Variants in TRPM8 observed in about 807,000 individuals in gnomAD.
TRPM8 encodes the protein transient receptor potential cation channel subfamily M member 8.
TRPM8 carries 110 observed loss-of-function variants against 133.7 expected under a neutral mutation model. The observed-to-expected ratio is 0.82, with a 90% CI of 0.70 to 0.96. TRPM8 has a LOEUF of 0.96. TRPM8 is among the 40% of genes least tolerant of loss of function. TRPM8 has a pLI of 0.00. For missense variants in TRPM8, 1,291 were observed against 1,379.5 expected, an observed-to-expected ratio of 0.94 and a Z score of 1.02; for synonymous variants, 535 against 532.3, an observed-to-expected ratio of 1.01 and a Z score of -0.07.
chr2:234,000,694 T>C (rs1041147151), intron 22 of TRPM8, among the ~76,000 whole-genome samples: 2 of 138,740 alleles, frequency 1.4e-5, no homozygotes, highest in Non-Finnish European at 3.1e-5. Context: ...TTTTTTTTTT[T>C]CGGAAATGGT....
intron 22 of TRPM8, among the ~76,000 whole-genome samples, chr2:233,999,695 G>A (rs557234295): frequency 2.6e-4 from 39 of 152,364 alleles, no homozygotes; most frequent in African/African-American, 9.4e-4. Context: ...CTTGGAGCAA[G>A]GTGCATGGGG....
At chr2:234,012,348 A>G (rs1337495751) in intron 24 of TRPM8, among the ~76,000 whole-genome samples, 1 of 151,938 alleles carries the variant, frequency 6.6e-6, no homozygotes, top group Non-Finnish European at 1.5e-5. Context: ...GGGTTTCACC[A>G]TGTTGAGCAG....
intron 1 of TRPM8, among the ~76,000 whole-genome samples, chr2:233,921,677 C>CTTTTTTTTTTTTTTTTTTTTTTTTTTTTT (rs11373529): frequency 1.1e-4 from 12 of 106,660 alleles, no homozygotes; most frequent in South Asian, 3.1e-4. Context: ...CTTTTCTTTT[C>CTTTTTTTTTTTTTTTTTTTTTTTTTTTTT]TTTTTTTTTT....
chr2:233,982,224 T>A (rs551429721), intron 19 of TRPM8, among the ~76,000 whole-genome samples: 1 of 152,194 alleles, frequency 6.6e-6, no homozygotes, highest in Non-Finnish European at 1.5e-5. Context: ...GGGGAGGGAC[T>A]TTTATGCCAA....
intron 2 of TRPM8, among the ~76,000 whole-genome samples, chr2:233,927,778 CT>C (rs1278196220): frequency 2.4e-4 from 11 of 46,216 alleles, no homozygotes; most frequent in South Asian, 8.5e-4. Context: ...TTCTTTCTTT[CT>C]TTCTTTCTTT....
chr2:233,955,039 T>A, intron 10 of TRPM8, 93 bp from the exon 11 acceptor site: 2 of 863,088 alleles, frequency 2.3e-6, no homozygotes, highest in Non-Finnish European at 3.9e-6. Flanking sequence ...GCATTACCTG[T>A]GATAAACAGC....
At chr2:233,950,799 T>G (rs1691156104) in intron 9 of TRPM8, among the ~76,000 whole-genome samples, 1 of 152,160 alleles carries the variant, frequency 6.6e-6, no homozygotes, top group South Asian at 2.1e-4. Flanking sequence ...ATGAGGCTCC[T>G]CCCCATGGAA....
intron 8 of TRPM8, chr2:233,947,725 T>TA: frequency 2.9e-6 from 2 of 681,654 alleles, no homozygotes; most frequent in Non-Finnish European, 4.3e-6. Flanking sequence ...ACTGAGTTCA[T>TA]CTTGCCTGCA....
At chr2:233,957,321 G>GC (rs35745753) in intron 11 of TRPM8, among the ~76,000 whole-genome samples, 29 of 138,172 alleles carry the variant, frequency 2.1e-4, no homozygotes, top group Middle Eastern at 3.4e-3. Context: ...CCCCACCTCT[G>GC]CCCCCCCCAA....
chr2:234,019,143 G>A lies in TRPM8; in HGVS notation c.*1887G>A, dbSNP rs941288524. The A allele has an allele frequency of 6.6e-6, 1 of 152,084 alleles. No individual in the cohort carries two copies. The highest frequency in any genetic ancestry group is 2.4e-5 in the African/African-American group (1 of 41,404). The allele number at this position is 152,084 out of a possible 1,614,324, so 9.4% of individuals were successfully genotyped here. On this transcript the variant is annotated 3_prime_UTR_variant, in exon 26 of 26. Transcript: ENST00000324695. ...AAAAGTTTATTTTCCTTTTGTCTGG[G>A]CAGTAGTGAAAATAACTACTCACAA...
chr2:233,959,816 C>G (rs1405831133), intron 11 of TRPM8, among the ~76,000 whole-genome samples: 1 of 152,028 alleles, frequency 6.6e-6, no homozygotes, highest in Non-Finnish European at 1.5e-5. Context: ...GAGTCTTGCT[C>G]TGTCACCCAG....
At chr2:233,949,068 C>G (rs1691111985) in intron 8 of TRPM8, among the ~76,000 whole-genome samples, 1 of 151,974 alleles carries the variant, frequency 6.6e-6, no homozygotes, top group Non-Finnish European at 1.5e-5. Context: ...AAGAAAATAC[C>G]CAGTTGGTGC....
rs182294400 is a variant in TRPM8 at position 233,988,492 on chromosome 2, A to G, written c.2939+2627A>G. ...CTTTGTGGGTTTATTCAATGAATGA[A>G]AAAAATGGGTTCTTACCCATGTTTA... is the stretch of plus-strand genomic sequence containing the variant. On this transcript the variant is annotated intron_variant, in intron 21 of 25. Transcript: ENST00000324695. 5.4e-3 allele frequency among the ~76,000 whole-genome samples: 824 copies of G among 152,272 alleles called. 5 individuals are homozygous for G. Among genetic ancestry groups the G allele is most frequent in the South Asian group, 0.026 (123 of 4,820 alleles).
At chr2:233,972,625 G>A (rs1264977802) in intron 17 of TRPM8, among the ~76,000 whole-genome samples, 1 of 152,242 alleles carries the variant, frequency 6.6e-6, no homozygotes, top group Non-Finnish European at 1.5e-5. Context: ...CGGGAAGGCA[G>A]CTACGGCCCG....
rs199516053 is a variant in TRPM8 at position 233,970,400 on chromosome 2, G to C, written c.2329G>C (p.Val777Leu). The change falls in exon 17 of 26, where the codon GTC becomes CTC. Residue 777 changes from valine to leucine, a missense_variant. Physicochemically the swap from Val to Leu is conservative, Grantham distance 32. Coordinates refer to ENST00000324695, the MANE Select transcript of TRPM8 (RefSeq NM_024080.5). The stretch of plus-strand genomic sequence containing the variant: ...GCTGGTCCTGTACTCGCTGGTCTTT[G>C]TCCTCTTCTGTGATGAAGTGAGACA... ...PELVLYSLVF[V>L]LFCDEVRQWY... 1.2e-6 allele frequency: 2 copies of C among 1,613,816 alleles called. No individual in the cohort carries two copies. Among genetic ancestry groups the C allele is most frequent in the African/African-American group, 1.3e-5 (1 of 74,824 alleles).
intron 2 of TRPM8, among the ~76,000 whole-genome samples, chr2:233,927,957 TC>T (rs1691598795): frequency 5.7e-5 from 4 of 70,492 alleles, no homozygotes; most frequent in Non-Finnish European, 9.6e-5. Context: ...TCTCTCTCTC[TC>T]TCTTTCTTTC....
intron 9 of TRPM8, among the ~76,000 whole-genome samples, chr2:233,953,401 T>A (rs1394341113): frequency 1.3e-5 from 2 of 152,258 alleles, no homozygotes; most frequent in African/African-American, 4.8e-5. Context: ...ATTACAGGGT[T>A]ATTTACTTTT....
chr2:233,981,531 G>A (rs1013660616), intron 18 of TRPM8, among the ~76,000 whole-genome samples: 2 of 151,990 alleles, frequency 1.3e-5, no homozygotes, highest in African/African-American at 4.8e-5. Context: ...AAAGAGACAG[G>A]AACCTCCGAG....
rs202105112 is a variant in TRPM8, at chr2:233,970,370, C to G, written c.2299C>G (p.Pro767Ala). ...GGATTTCCATTCGGTGCCACACCCC[C>G]CCGAGCTGGTCCTGTACTCGCTGGT... Reference protein sequence around the residue: ...LMDFHSVPHPPELVLYSLVFV... With the variant: ...LMDFHSVPHPAELVLYSLVFV... Residue 767 changes from proline to alanine, a missense_variant, in exon 17 of 26, where the codon CCC becomes GCC. This residue lies in a region of TRPM8 where 963 missense variants were observed against 968.9 expected (regional missense o/e 0.99). Coordinates refer to ENST00000324695, the MANE Select transcript of TRPM8 (RefSeq NM_024080.5). The G allele has an allele frequency of 6.2e-7, 1 of 1,614,022 alleles. No individual in the cohort carries two copies. The highest frequency in any genetic ancestry group is 8.5e-7 in the Non-Finnish European group (1 of 1,180,038).
Sources: allele counts gnomAD v4.1 joint callset (sites outside exome capture counted in the v4.1 genomes callset), GRCh38; gene constraint gnomAD v4.1.1; regional missense constraint gnomAD v4.1.1; transcripts MANE v1.5; gene names NCBI Gene and HGNC (gene_info 2026-07-23, HGNC 2026-07-21).